The following HERC2 variants were observed in gnomAD, a reference collection of about 807,000 sequenced individuals.
The protein encoded by HERC2 is HECT and RLD domain containing E3 ubiquitin protein ligase 2.
HERC2 carries 102 observed loss-of-function variants against 537.7 expected under a neutral mutation model. The ratio of observed to expected loss-of-function variants is 0.19; its 90% CI spans 0.16 to 0.22. The LOEUF is 0.22. HERC2 is among the 10% of genes least tolerant of loss of function. HERC2 has a pLI of 1.00. For missense variants in HERC2, 4,236 were observed against 6,198.2 expected, an observed-to-expected ratio of 0.68 and a Z score of 10.63; for synonymous variants, 2,224 against 2,466.2, an observed-to-expected ratio of 0.90 and a Z score of 2.91.
rs146760133 is a variant in HERC2 at position 28,125,129 on chromosome 15, G to A, written c.12867C>T (p.Ile4289=). The A allele has an allele frequency of 5.5e-4, 880 of 1,614,008 alleles. 2 individuals are homozygous for A. The highest frequency in any genetic ancestry group is 4.3e-4 in the Non-Finnish European group (502 of 1,179,942). The stretch of plus-strand genomic sequence containing the variant: ...GGGCAGCTACCAACCGAGGCCTCTG[G>A]ATGGCATTGGTGGTTCCGTCTCCCA... ...GQLGDGTTNA[I]QRPRLVAALQ... is the part of the protein sequence containing the mutation. Residue 4289 remains isoleucine, a synonymous_variant, in exon 84 of 93, where the codon ATC becomes ATT. Coordinates refer to ENST00000261609, the MANE Select transcript of HERC2 (RefSeq NM_004667.6).
chr15:28,309,788 G>C (rs995544847), intron 2 of HERC2, among the ~76,000 whole-genome samples: 18 of 152,092 alleles, frequency 1.2e-4, no homozygotes, highest in Non-Finnish European at 2.2e-4. Context: ...GTAAATGCTT[G>C]TTGTTACAAG....
At chr15:28,261,691 G>T (rs2140931729) in intron 15 of HERC2, among the ~76,000 whole-genome samples, 1 of 152,180 alleles carries the variant, frequency 6.6e-6, no homozygotes, top group South Asian at 2.1e-4. Context: ...AAACAAGAAG[G>T]CAAATGAAAT....
intron 12 of HERC2, among the ~76,000 whole-genome samples, chr15:28,267,028 G>A (rs1395461393): frequency 1.3e-5 from 2 of 152,210 alleles, no homozygotes; most frequent in Admixed American, 6.5e-5. Context: ...GTGGGGATTA[G>A]GGTAGAGAAG....
chr15:28,285,726 A>G (rs1008170222), intron 4 of HERC2, among the ~76,000 whole-genome samples: 1 of 151,660 alleles, frequency 6.6e-6, no homozygotes, highest in South Asian at 2.1e-4. Flanking sequence ...AAAACAGAAA[A>G]CCAATAAACA....
At chr15:28,320,784 G>A (rs2595847) in intron 2 of HERC2, among the ~76,000 whole-genome samples, 34,240 of 141,526 alleles carry the variant, frequency 0.24, 6,740 homozygotes, top group African/African-American at 0.59. Context: ...CAAGCTTGCA[G>A]TTATCTCATT....
chr15:28,194,930 C>T (rs1411381067), intron 52 of HERC2, among the ~76,000 whole-genome samples: 3 of 151,800 alleles, frequency 2.0e-5, no homozygotes, highest in African/African-American at 7.3e-5. Context: ...GTGGTGGGAG[C>T]CTGTAATCCC....
chr15:28,295,509 C>T (rs1009919541), intron 3 of HERC2, among the ~76,000 whole-genome samples: 3 of 152,158 alleles, frequency 2.0e-5, no homozygotes, highest in Admixed American at 6.5e-5. Flanking sequence ...AAGTGATTCT[C>T]GTGCCTCAGC....
At chr15:28,252,681 T>A (rs1453425879) in intron 20 of HERC2, among the ~76,000 whole-genome samples, 1 of 152,230 alleles carries the variant, frequency 6.6e-6, no homozygotes, top group African/African-American at 2.4e-5. Context: ...ACACAAACTA[T>A]ATGAAGTTTA....
intron 65 of HERC2, among the ~76,000 whole-genome samples, chr15:28,169,865 A>AAAC (rs1894518057): frequency 6.6e-6 from 1 of 152,258 alleles, no homozygotes; most frequent in Non-Finnish European, 1.5e-5. Context: ...GCATAGTTCC[A>AAAC]CTGTAACTGC....
chr15:28,175,889 TG>T (rs1895242147), intron 63 of HERC2, among the ~76,000 whole-genome samples: 1 of 152,224 alleles, frequency 6.6e-6, no homozygotes, highest in Non-Finnish European at 1.5e-5. Context: ...TTTAAGTTAC[TG>T]TTGTAGGTTT....
chr15:28,292,628 C>T lies in HERC2; in HGVS notation c.322+260G>A, dbSNP rs373164909. Among the ~76,000 whole-genome samples, 3 of 152,176 alleles carry T rather than the reference C, an allele frequency of 2.0e-5. No homozygotes were observed. In the South Asian group the frequency reaches 6.2e-4, roughly 32 times the overall value. ...GCCAGGAGTATAAGACCAGCCTGGG[C>T]AACACAGTGAGATTCTGTCTCTAAT... On this transcript the variant is annotated intron_variant, in intron 4 of 92. Transcript: ENST00000261609.
intron 83 of HERC2, among the ~76,000 whole-genome samples, chr15:28,127,916 T>G (rs1889681995): frequency 6.6e-6 from 1 of 152,184 alleles, no homozygotes. Flanking sequence ...AATATTTAAA[T>G]AGATTCAGGA....
In HERC2 at chr15:28,175,680, A is replaced by T. The variant is rs372583563; in HGVS notation, c.9687-24T>A. On this transcript the variant is annotated intron_variant, in intron 63 of 92. Transcript: ENST00000261609. Reference sequence around the variant, plus strand: ...CCCTGAGAGAAGGCCCATGGTGGAGAGTTACAATACGGTTATGGTCTGACA... The same window carrying T: ...CCCTGAGAGAAGGCCCATGGTGGAGTGTTACAATACGGTTATGGTCTGACA... 5.5e-5 allele frequency: 88 copies of T among 1,613,582 alleles called. 1 individual carries two copies. The highest frequency in any genetic ancestry group is 3.5e-4 in the Admixed American group (21 of 60,004).
Position 28,152,951 on chromosome 15 carries a change from T to C in HERC2, c.10747-121A>G, listed in dbSNP as rs1892607478. ...AGGACAGCGTGGCAGAGTGGAGGGC[T>C]TGGAGTTTGAGAAATTGAGTTCAAA... On this transcript the variant is annotated intron_variant, in intron 69 of 92. Coordinates refer to ENST00000261609, the MANE Select transcript of HERC2 (RefSeq NM_004667.6). 1.0e-5 allele frequency: 10 copies of C among 992,010 alleles called. No individual in the cohort carries two copies. The South Asian group carries it at 1.7e-4, about 17-fold the overall frequency. 61.5% of individuals were successfully genotyped at this position (992,010 alleles called of 1,614,324 possible). A position where few individuals can be genotyped will look rare whatever the true frequency, so the allele number is the denominator to read the frequency against.
At position 28,130,179 on chromosome 15, in the gene HERC2, C is replaced by T; in HGVS notation, c.12786G>A (p.Val4262=). 1 of 1,614,192 alleles carries T rather than the reference C, an allele frequency of 6.2e-7. No individual in the cohort carries two copies. Among genetic ancestry groups the T allele is most frequent in the Non-Finnish European group, 8.5e-7 (1 of 1,180,032 alleles). ...IAIATGSLHC[V]CCTEDGEVYT... ...CCTACCTACCATCCTCTGTGCAGCA[C>T]ACACAGTGCAGGGAGCCAGTGGCGA... Residue 4262 remains valine, a synonymous_variant, in exon 83 of 93, where the codon GTG becomes GTA. Coordinates refer to ENST00000261609, the MANE Select transcript of HERC2 (RefSeq NM_004667.6).
intron 8 of HERC2, 27 bp from the exon 9 acceptor site, chr15:28,272,413 G>C: frequency 6.3e-7 from 1 of 1,585,104 alleles, no homozygotes; most frequent in Non-Finnish European, 8.6e-7. Context: ...ATTTATTCTA[G>C]TAAAAACAGA....
chr15:28,214,473 C>G (rs2140448525), intron 40 of HERC2, among the ~76,000 whole-genome samples, 182 bp downstream of exon 40: 1 of 149,762 alleles, frequency 6.7e-6, no homozygotes, highest in Non-Finnish European at 1.5e-5. Flanking sequence ...CCACGCACCT[C>G]TGAGTGACGG....
intron 78 of HERC2, among the ~76,000 whole-genome samples, chr15:28,136,867 C>T (rs1361145290): frequency 6.6e-6 from 1 of 152,032 alleles, no homozygotes; most frequent in Non-Finnish European, 1.5e-5. Flanking sequence ...TCAGAATTAA[C>T]CAACGAAAGA....
At chr15:28,236,880 G>C in intron 26 of HERC2, 83 bp downstream of exon 26, 3 of 1,150,592 alleles carry the variant, frequency 2.6e-6, no homozygotes, top group Non-Finnish European at 3.9e-6. Flanking sequence ...GAACCACTGT[G>C]CCTGGCCCTC....
Sources: allele counts gnomAD v4.1 joint callset (sites outside exome capture counted in the v4.1 genomes callset), GRCh38; gene constraint gnomAD v4.1.1; transcripts MANE v1.5; gene names NCBI Gene and HGNC (gene_info 2026-07-23, HGNC 2026-07-21).